The following C12orf56 variants were observed in gnomAD, a reference collection of about 807,000 sequenced individuals.
C12orf56 encodes the protein uncharacterized protein C12orf56.
A neutral mutation model predicts 69.9 loss-of-function variants in C12orf56; 71 were observed. The ratio of observed to expected loss-of-function variants is 1.02; its 90% CI spans 0.84 to 1.24. The LOEUF (loss-of-function observed/expected upper bound fraction) is 1.24, where lower values mean the gene tolerates loss of function less well. Among genes scored for constraint, C12orf56 ranks in the 50% most tolerant of loss-of-function variants. The pLI is 0.00. For missense variants in C12orf56, 732 were observed against 738.5 expected, an observed-to-expected ratio of 0.99 and a Z score of 0.10; for synonymous variants, 276 against 274.1, an observed-to-expected ratio of 1.01 and a Z score of -0.07.
chr12:64,308,947 G>GAAAGAAAGAAAA, intron 5 of C12orf56, among the ~76,000 whole-genome samples: 1 of 67,680 alleles, frequency 1.5e-5, no homozygotes, highest in Non-Finnish European at 3.0e-5. Context: ...AAAGAAGAAA[G>GAAAGAAAGAAAA]AAAGAAAGAA....
chr12:64,336,620 T>G (rs1410889959), intron 2 of C12orf56, among the ~76,000 whole-genome samples: 1 of 152,102 alleles, frequency 6.6e-6, no homozygotes, highest in Non-Finnish European at 1.5e-5. Context: ...TAATTACAGC[T>G]CCTACAAACA....
chr12:64,330,065 T>C (rs1424511951), intron 3 of C12orf56, among the ~76,000 whole-genome samples: 1 of 152,118 alleles, frequency 6.6e-6, no homozygotes, highest in Non-Finnish European at 1.5e-5. Context: ...CTGGGTCAAA[T>C]GGTATTTCCA....
chr12:64,377,464 C>T (rs910446987), intron 1 of C12orf56, among the ~76,000 whole-genome samples: 3 of 152,152 alleles, frequency 2.0e-5, no homozygotes, highest in Non-Finnish European at 4.4e-5. Context: ...GCTAGGATTA[C>T]AGGCGTGAGC....
chr12:64,365,784 A>T (rs1398893377), intron 1 of C12orf56, among the ~76,000 whole-genome samples: 1 of 141,920 alleles, frequency 7.0e-6, no homozygotes, highest in Non-Finnish European at 1.5e-5. Flanking sequence ...TATAATAAAT[A>T]TATAATGTAT....
At chr12:64,341,477 C>G (rs981755487) in intron 2 of C12orf56, among the ~76,000 whole-genome samples, 1 of 152,196 alleles carries the variant, frequency 6.6e-6, no homozygotes, top group Non-Finnish European at 1.5e-5. Context: ...ACCATTCTAT[C>G]AATCCAGCTG....
chr12:64,328,820 C>T (rs1156384981), intron 3 of C12orf56, among the ~76,000 whole-genome samples: 1 of 148,442 alleles, frequency 6.7e-6, no homozygotes, highest in East Asian at 2.0e-4. Context: ...AATCCCAACA[C>T]TGGGAGGCTG....
intron 6 of C12orf56, 118 bp downstream of exon 6, chr12:64,303,517 C>T: frequency 3.5e-6 from 3 of 864,792 alleles, no homozygotes; most frequent in Non-Finnish European, 5.1e-6. Flanking sequence ...ATTTTATCAA[C>T]ATTTAAAAAT....
chr12:64,281,039 G>A (rs777641912), intron 8 of C12orf56, among the ~76,000 whole-genome samples: 4 of 152,060 alleles, frequency 2.6e-5, no homozygotes, highest in Non-Finnish European at 5.9e-5. Flanking sequence ...TTGGGAGGCC[G>A]ACGGGGGGTG....
At chr12:64,346,412 A>G (rs1445506561) in intron 2 of C12orf56, among the ~76,000 whole-genome samples, 1 of 152,164 alleles carries the variant, frequency 6.6e-6, no homozygotes, top group Non-Finnish European at 1.5e-5. Context: ...TCCCCAGCCC[A>G]CTGACTCAAA....
At chr12:64,328,539 A>G (rs3922750) in intron 3 of C12orf56, among the ~76,000 whole-genome samples, 67,738 of 150,736 alleles carry the variant, frequency 0.45, 15,559 homozygotes, top group African/African-American at 0.54. Flanking sequence ...AATTAGCTGG[A>G]CATGGTGGCG....
intron 2 of C12orf56, among the ~76,000 whole-genome samples, chr12:64,348,213 A>T (rs201636636): frequency 2.0e-5 from 3 of 152,148 alleles, no homozygotes; most frequent in African/African-American, 4.8e-5. Flanking sequence ...GGGAGGCAGA[A>T]GTTGCAGTGA....
intron 1 of C12orf56, among the ~76,000 whole-genome samples, chr12:64,388,197 C>G (rs1245801733): frequency 6.6e-6 from 1 of 152,136 alleles, no homozygotes; most frequent in Non-Finnish European, 1.5e-5. Flanking sequence ...CTCAGCCTCC[C>G]AAAGTGCTGG....
chr12:64,305,926 A>G (rs1419866424), intron 5 of C12orf56, among the ~76,000 whole-genome samples: 1 of 152,248 alleles, frequency 6.6e-6, no homozygotes, highest in Non-Finnish European at 1.5e-5. Context: ...ATAAGATACA[A>G]TATCAGCAGA....
At chr12:64,280,413 G>T (rs1415712995) in intron 8 of C12orf56, among the ~76,000 whole-genome samples, 1 of 152,102 alleles carries the variant, frequency 6.6e-6, no homozygotes, top group East Asian at 1.9e-4. Flanking sequence ...GACTTTGAAG[G>T]CCACATCGAT....
intron 1 of C12orf56, among the ~76,000 whole-genome samples, chr12:64,373,631 C>T (rs2039602799): frequency 6.6e-6 from 1 of 152,196 alleles, no homozygotes; most frequent in African/African-American, 2.4e-5. Context: ...GCACAGCAAA[C>T]TCTAACTCTC....
At chr12:64,295,372 G>T (rs2038351629) in intron 6 of C12orf56, among the ~76,000 whole-genome samples, 1 of 152,106 alleles carries the variant, frequency 6.6e-6, no homozygotes, top group Non-Finnish European at 1.5e-5. Flanking sequence ...CTATGAAAAA[G>T]TGTTCTCAGC....
intron 8 of C12orf56, among the ~76,000 whole-genome samples, chr12:64,281,397 C>T (rs1033144310): frequency 1.3e-5 from 2 of 151,900 alleles, no homozygotes; most frequent in African/African-American, 2.4e-5. Flanking sequence ...ATGGTGAAAC[C>T]GTCTTAACTA....
In C12orf56 at chr12:64,275,364, C is replaced by T. The variant is rs757848795; in HGVS notation, c.1443G>A (p.Lys481=). ...CAGTATTTGTATACTCCAGAATAAG[C>T]TTCTGTAACTAGAATTTTCAAGAAT... ...VRMSFDAELQ[K]LILEYTNTAT... is the part of the protein sequence containing the mutation. The change falls in exon 10 of 13, where the codon AAG becomes AAA. Residue 481 remains lysine (K), a synonymous_variant. Transcript: ENST00000543942. The T allele has an allele frequency of 9.9e-5, 136 of 1,379,278 alleles. No individual in the cohort carries two copies. Among genetic ancestry groups the T allele is most frequent in the Non-Finnish European group, 1.3e-4 (132 of 1,040,280 alleles). The allele number at this position is 1,379,278 out of a possible 1,614,324, so 85.4% of individuals were successfully genotyped here. A position where few individuals can be genotyped will look rare whatever the true frequency, so the allele number is the denominator to read the frequency against.
At position 64,308,889 on chromosome 12, in the gene C12orf56, G is replaced by GAAGAAAGA. The variant is rs1173081507; in HGVS notation, c.968+3782_968+3789dup. Among the ~76,000 whole-genome samples the GAAGAAAGA allele has an allele frequency of 2.3e-3, 159 of 69,308 alleles. 3 individuals are homozygous for GAAGAAAGA. Among genetic ancestry groups the GAAGAAAGA allele is most frequent in the African/African-American group, 4.6e-3 (68 of 14,720 alleles). The allele number at this position is 69,308 out of a possible 152,430, so 45.5% of individuals were successfully genotyped here. On this transcript the variant is annotated intron_variant, in intron 5 of 12. Coordinates refer to ENST00000543942, the MANE Select transcript of C12orf56 (RefSeq NM_001170633.2). ...AGAAAAGAAAGAAAGAAACAGAAAG[G>GAAGAAAGA]AAGAAAGAAAGAAAGAAAGAAAGAA... is the stretch of plus-strand genomic sequence containing the variant.
Sources: allele counts gnomAD v4.1 joint callset (sites outside exome capture counted in the v4.1 genomes callset), GRCh38; gene constraint gnomAD v4.1.1; transcripts MANE v1.5; gene names NCBI Gene and HGNC (gene_info 2026-07-23, HGNC 2026-07-21).